The following UGT2A3 variants were observed in gnomAD, a reference collection of about 807,000 sequenced individuals.
The protein encoded by UGT2A3 is UDP glucuronosyltransferase family 2 member A3, also known as UDP-glucuronosyltransferase 2A3.
UGT2A3 carries 55 observed loss-of-function variants against 44.1 expected under a neutral mutation model. That is an observed-to-expected ratio of 1.25 (90% CI 1.00 to 1.56). The LOEUF (loss-of-function observed/expected upper bound fraction) is 1.56. Ranked by LOEUF, UGT2A3 falls within the 40% of genes most tolerant of loss-of-function variation. The pLI is 0.00. For missense variants in UGT2A3, 733 were observed against 621.6 expected (o/e 1.18, Z -1.91); for synonymous variants, 243 against 215.1 (o/e 1.13, Z -1.13).
intron 1 of UGT2A3, among the ~76,000 whole-genome samples, chr4:68,950,390 A>G (rs1718537214): frequency 6.6e-6 from 1 of 151,910 alleles, no homozygotes; most frequent in Non-Finnish European, 1.5e-5. Context: ...ATTCTCAAAC[A>G]TATTTGGATA....
chr4:68,949,295 G>T (rs1718495872), intron 1 of UGT2A3, among the ~76,000 whole-genome samples: 2 of 151,666 alleles, frequency 1.3e-5, no homozygotes, highest in South Asian at 2.1e-4. Flanking sequence ...CTTTTCACTG[G>T]AACATTTAGA....
intron 2 of UGT2A3, among the ~76,000 whole-genome samples, chr4:68,937,655 G>C (rs923513694): frequency 6.6e-6 from 1 of 152,010 alleles, no homozygotes; most frequent in Non-Finnish European, 1.5e-5. Context: ...AATAGAACCA[G>C]AGAAGCAAGA....
Position 68,951,172 on chromosome 4 carries a change from T to A in UGT2A3, c.589A>T (p.Thr197Ser). 1 of 1,612,148 alleles carries A rather than the reference T, an allele frequency of 6.2e-7. No homozygotes were observed. The highest frequency in any genetic ancestry group is 8.5e-7 in the Non-Finnish European group (1 of 1,179,046). The change falls in exon 1 of 6, where the codon ACA becomes TCA. Residue 197 changes from threonine to serine, a missense_variant. Thr to Ser is a moderately conservative substitution (Grantham distance 58). Coordinates refer to ENST00000251566, the MANE Select transcript of UGT2A3 (RefSeq NM_024743.4). ...APLSYVPVPM[T>S]GLTDRMTFLE... ...AAGGTCATTCTGTCTGTTAGTCCTG[T>A]CATAGGCACAGGTACATAGGAAAGT...
intron 2 of UGT2A3, among the ~76,000 whole-genome samples, chr4:68,943,005 G>A (rs1443764031): frequency 6.6e-6 from 1 of 151,562 alleles, no homozygotes; most frequent in Non-Finnish European, 1.5e-5. Context: ...TAATACCACA[G>A]CATTTCTCTT....
rs1188839690 is a variant in UGT2A3 at position 68,929,720 on chromosome 4, A to G, written c.*93T>C. On this transcript the variant is annotated 3_prime_UTR_variant, in exon 6 of 6. Coordinates refer to ENST00000251566, the MANE Select transcript of UGT2A3 (RefSeq NM_024743.4). ...TATAGCTAAGATAAAATAACAGAATAGATAATATGAAAATAGCAAGGTTTT... is the reference window on the plus strand; with the variant it reads ...TATAGCTAAGATAAAATAACAGAATGGATAATATGAAAATAGCAAGGTTTT... The G allele has an allele frequency of 7.0e-6, 8 of 1,149,090 alleles. No individual in the cohort carries two copies. In the Admixed American group the frequency reaches 1.8e-4, roughly 26 times the overall value. 71.2% of individuals were successfully genotyped at this position (1,149,090 alleles called of 1,614,324 possible).
chr4:68,943,186 AT>A, intron 2 of UGT2A3: 1 of 439,804 alleles, frequency 2.3e-6, no homozygotes, highest in Non-Finnish European at 3.6e-6. Flanking sequence ...GACTTCTATG[AT>A]TATTTCTATG....
rs201266507 is a variant in UGT2A3, at chr4:68,951,363, G to C, written c.398C>G (p.Thr133Arg). ...GGTTTCCTGTAGCTTCTTCATAAGC[G>C]TCTGATTGTAGATAAAGCTCTCACA... is the stretch of plus-strand genomic sequence containing the variant. ...MMCESFIYNQ[T>R]LMKKLQETNY... Residue 133 changes from threonine (T) to arginine (R), a missense_variant, in exon 1 of 6, where the codon ACG becomes AGG. By Grantham distance (71) the Thr-to-Arg change is moderately conservative. Transcript: ENST00000251566. The C allele has an allele frequency of 2.5e-6, 4 of 1,612,634 alleles. No individual in the cohort carries two copies. Among genetic ancestry groups the C allele is most frequent in the Non-Finnish European group, 3.4e-6 (4 of 1,179,232 alleles).
chr4:68,931,845 C>T (rs1471979487), intron 3 of UGT2A3, among the ~76,000 whole-genome samples: 1 of 151,782 alleles, frequency 6.6e-6, no homozygotes, highest in Non-Finnish European at 1.5e-5. Flanking sequence ...CTTTGTTGGA[C>T]ACCTATACAA....
chr4:68,936,888 C>CAAAAAAAAAAAA (rs56737078), intron 2 of UGT2A3, among the ~76,000 whole-genome samples: 5 of 46,338 alleles, frequency 1.1e-4, no homozygotes, highest in Non-Finnish European at 1.1e-4. Context: ...AAATGGAAAG[C>CAAAAAAAAAAAA]AAAAAAAAAA....
chr4:68,935,284 A>ATATG (rs1232935781), intron 2 of UGT2A3, among the ~76,000 whole-genome samples: 18 of 73,642 alleles, frequency 2.4e-4, no homozygotes, highest in Admixed American at 1.2e-3. Context: ...ATGTATATAT[A>ATATG]TATATATATA....
chr4:68,936,710 A>G (rs1199236023), intron 2 of UGT2A3, among the ~76,000 whole-genome samples: 5 of 152,096 alleles, frequency 3.3e-5, no homozygotes, highest in South Asian at 4.2e-4. Context: ...CACACATAAC[A>G]ATATTAACCT....
At chr4:68,936,721 A>G (rs1200641178) in intron 2 of UGT2A3, among the ~76,000 whole-genome samples, 3 of 151,814 alleles carry the variant, frequency 2.0e-5, no homozygotes, top group Non-Finnish European at 2.9e-5. Flanking sequence ...ATATTAACCT[A>G]AAATGTAAAT....
At chr4:68,940,430 C>T (rs1256688213) in intron 2 of UGT2A3, among the ~76,000 whole-genome samples, 1 of 151,948 alleles carries the variant, frequency 6.6e-6, no homozygotes, top group Non-Finnish European at 1.5e-5. Context: ...CAGTCATTCT[C>T]AGCAAACTAT....
chr4:68,940,785 T>C (rs1052561939), intron 2 of UGT2A3, among the ~76,000 whole-genome samples: 5 of 143,724 alleles, frequency 3.5e-5, no homozygotes, highest in African/African-American at 2.5e-5. Flanking sequence ...ATATATAATA[T>C]ATATATACAC....
chr4:68,945,600 TA>T (rs1718357082), intron 1 of UGT2A3, 146 bp from the exon 2 acceptor site: 1 of 453,978 alleles, frequency 2.2e-6, no homozygotes, highest in Admixed American at 4.3e-5. Context: ...AAGGGGGAAT[TA>T]ATGAAATAAT....
chr4:68,931,960 TGCC>T (rs1238202778), intron 3 of UGT2A3, among the ~76,000 whole-genome samples: 4 of 151,962 alleles, frequency 2.6e-5, no homozygotes, highest in African/African-American at 9.7e-5. Context: ...TTAGTATGCT[TGCC>T]TTTATTGAGT....
intron 2 of UGT2A3, among the ~76,000 whole-genome samples, chr4:68,944,514 C>T (rs1718311165): frequency 6.6e-6 from 1 of 151,752 alleles, no homozygotes; most frequent in African/African-American, 2.4e-5. Context: ...TTCAACATTC[C>T]TTGAACTATA....
At chr4:68,941,165 C>T (rs1398517836) in intron 2 of UGT2A3, among the ~76,000 whole-genome samples, 1 of 151,712 alleles carries the variant, frequency 6.6e-6, no homozygotes, top group Non-Finnish European at 1.5e-5. Flanking sequence ...CATATACCAG[C>T]TCATGTTTGC....
intron 1 of UGT2A3, among the ~76,000 whole-genome samples, chr4:68,949,942 C>T (rs1718518238): frequency 1.3e-5 from 2 of 151,836 alleles, no homozygotes; most frequent in South Asian, 4.1e-4. Context: ...GAATGCATGG[C>T]CAGAACCCAC....
Sources: gnomAD v4.1 joint callset for allele counts (sites outside exome capture counted in the v4.1 genomes callset) on GRCh38, gnomAD v4.1.1 for gene constraint, MANE v1.5 for transcripts, NCBI Gene and HGNC (gene_info 2026-07-23, HGNC 2026-07-21) for gene names.